C2orf42: variants seen among roughly 807,000 people sequenced by gnomAD.
C2orf42 encodes uncharacterized protein C2orf42.
In C2orf42, 44 loss-of-function variants were observed where a neutral mutation model predicts 58.9. That is an observed-to-expected ratio of 0.75 (90% CI 0.59 to 0.96). The LOEUF (loss-of-function observed/expected upper bound fraction) is 0.96, where lower values mean the gene tolerates loss of function less well. Ranked by LOEUF, C2orf42 falls within the 40% of genes least tolerant of loss-of-function variation. The pLI, the probability that C2orf42 is intolerant of heterozygous loss-of-function variation, is 0.00. For missense variants in C2orf42, 630 were observed against 699.2 expected, an observed-to-expected ratio of 0.90 and a Z score of 1.12; for synonymous variants, 239 against 265.4, an observed-to-expected ratio of 0.90 and a Z score of 0.97.
intron 5 of C2orf42, among the ~76,000 whole-genome samples, chr2:70,169,873 C>T (rs1044954819): frequency 2.0e-5 from 3 of 152,078 alleles, no homozygotes; most frequent in African/African-American, 7.2e-5. Context: ...ATTCTCCTGC[C>T]TCAGCCTCCT....
chr2:70,159,084 C>T (rs1672889521), intron 9 of C2orf42, among the ~76,000 whole-genome samples: 1 of 148,380 alleles, frequency 6.7e-6, no homozygotes, highest in Admixed American at 6.8e-5. Flanking sequence ...GATGGGGTTT[C>T]ACCATGTTAG....
intron 1 of C2orf42, among the ~76,000 whole-genome samples, chr2:70,188,188 T>A (rs1355977951): frequency 2.0e-5 from 3 of 152,014 alleles, no homozygotes; most frequent in Non-Finnish European, 4.4e-5. Context: ...TGCCCCTTTT[T>A]ATTTTATTTA....
At chr2:70,164,778 G>T (rs1223374088) in intron 8 of C2orf42, among the ~76,000 whole-genome samples, 1 of 152,064 alleles carries the variant, frequency 6.6e-6, no homozygotes, top group Non-Finnish European at 1.5e-5. Flanking sequence ...CTAGCTGCCT[G>T]CCAGTCAAAT....
In C2orf42 at chr2:70,149,977, C is replaced by CCAGGCG. The variant is rs1672203841; in HGVS notation, c.*378_*379insCGCCTG. The CCAGGCG allele has an allele frequency of 3.9e-6, 1 of 254,670 alleles. No individual in the cohort carries two copies. Among genetic ancestry groups the CCAGGCG allele is most frequent in the Admixed American group, 5.1e-5 (1 of 19,726 alleles). 15.8% of individuals were successfully genotyped at this position (254,670 alleles called of 1,614,324 possible). On this transcript the variant is annotated 3_prime_UTR_variant, in exon 10 of 10. Transcript: ENST00000264434. ...GATGGTCTTTAACATTCTGCCCTAACCAGGGTGTTAACTTTCCAACACTGT... is the reference window on the plus strand; with the variant it reads ...GATGGTCTTTAACATTCTGCCCTAACCAGGCGCAGGGTGTTAACTTTCCAACACTGT...
intron 5 of C2orf42, among the ~76,000 whole-genome samples, chr2:70,172,933 C>T (rs1297856608): frequency 6.6e-6 from 1 of 152,124 alleles, no homozygotes; most frequent in African/African-American, 2.4e-5. Context: ...GAGGCCAAGG[C>T]AGGCGGATCA....
chr2:70,187,303 T>G (rs1350146044), intron 1 of C2orf42, among the ~76,000 whole-genome samples: 1 of 152,164 alleles, frequency 6.6e-6, no homozygotes, highest in Non-Finnish European at 1.5e-5. Flanking sequence ...CAGGCTGGAG[T>G]GCAATGACGC....
Position 70,183,437 on chromosome 2 carries a change from T to C in C2orf42, c.-281-502A>G, listed in dbSNP as rs549102111. On this transcript the variant is annotated intron_variant, in intron 1 of 9. Transcript: ENST00000264434. Reference sequence around the variant, plus strand: ...GAGCAGGACCCCATCTCTTTTTTTTTTTCTTCTTTGAGATGGAGTCTCACT... The same window carrying C: ...GAGCAGGACCCCATCTCTTTTTTTTCTTCTTCTTTGAGATGGAGTCTCACT... Among the ~76,000 whole-genome samples the C allele has an allele frequency of 8.2e-4, 124 of 151,784 alleles. 2 individuals carry two copies. The highest frequency in any genetic ancestry group is 3.0e-3 in the African/African-American group (123 of 41,406).
chr2:70,155,044 G>A (rs1330137975), intron 9 of C2orf42, among the ~76,000 whole-genome samples: 2 of 152,000 alleles, frequency 1.3e-5, no homozygotes, highest in Non-Finnish European at 2.9e-5. Context: ...AAGAGATCAA[G>A]ACCATCCTGG....
intron 9 of C2orf42, among the ~76,000 whole-genome samples, chr2:70,153,655 TAAAG>T (rs1672454250): frequency 1.7e-5 from 2 of 118,042 alleles, no homozygotes; most frequent in Non-Finnish European, 3.5e-5. Flanking sequence ...CAGTAATAAG[TAAAG>T]AAAAGAACAG....
chr2:70,186,726 G>A (rs568629428), intron 1 of C2orf42, among the ~76,000 whole-genome samples: 1 of 152,180 alleles, frequency 6.6e-6, no homozygotes, highest in East Asian at 1.9e-4. Context: ...ATGATAGACT[G>A]GATTAAGAAA....
At chr2:70,155,877 C>T (rs545190542) in intron 9 of C2orf42, among the ~76,000 whole-genome samples, 14 of 151,832 alleles carry the variant, frequency 9.2e-5, no homozygotes, top group East Asian at 7.8e-4. Context: ...TATCACTGGC[C>T]GAGTGCAGTG....
Position 70,187,759 on chromosome 2 carries a change from C to T in C2orf42, c.-282+3214G>A, listed in dbSNP as rs1340566667. Among the ~76,000 whole-genome samples, 4 of 149,530 alleles carry T rather than the reference C, an allele frequency of 2.7e-5. No individual in the cohort carries two copies. The East Asian group carries it at 6.1e-4, about 23-fold the overall frequency. ...AGGCTGGAGTGCAGTGGCGTGATCTCACCTCACTGCAACCTCCGCCTCCCG... is the reference window on the plus strand; with the variant it reads ...AGGCTGGAGTGCAGTGGCGTGATCTTACCTCACTGCAACCTCCGCCTCCCG... On this transcript the variant is annotated intron_variant, in intron 1 of 9. Transcript: ENST00000264434.
chr2:70,169,667 G>GAA lies in C2orf42; in HGVS notation c.1040-8_1040-7dup. On this transcript the variant is annotated splice_region_variant and splice_polypyrimidine_tract_variant and intron_variant, in intron 5 of 9. Transcript: ENST00000264434. ...ATCTAACAGCTGACCACAGGCTAGG[G>GAA]AAAAAAAAACCACACATACACACTT... is the stretch of plus-strand genomic sequence containing the variant. 8 of 1,439,634 alleles carry GAA rather than the reference G, an allele frequency of 5.6e-6. No homozygotes were observed. Among genetic ancestry groups the GAA allele is most frequent in the Non-Finnish European group, 4.8e-6 (5 of 1,032,496 alleles). 89.2% of individuals were successfully genotyped at this position (1,439,634 alleles called of 1,614,324 possible).
chr2:70,150,190 G>C lies in C2orf42; in HGVS notation c.*166C>G. 1 of 626,114 alleles carries C rather than the reference G, an allele frequency of 1.6e-6. No individual in the cohort carries two copies. The highest frequency in any genetic ancestry group is 2.8e-6 in the Non-Finnish European group (1 of 354,062). The allele number at this position is 626,114 out of a possible 1,614,324, so 38.8% of individuals were successfully genotyped here. ...GCAGCATCAAAAAGGCTATTTACAAGAGATTTTCTTCAACAGAATCCACTT... is the reference window on the plus strand; with the variant it reads ...GCAGCATCAAAAAGGCTATTTACAACAGATTTTCTTCAACAGAATCCACTT... On this transcript the variant is annotated 3_prime_UTR_variant, in exon 10 of 10. Transcript: ENST00000264434.
At chr2:70,174,818 C>T (rs1433418106) in intron 5 of C2orf42, among the ~76,000 whole-genome samples, 1 of 152,046 alleles carries the variant, frequency 6.6e-6, no homozygotes, top group Non-Finnish European at 1.5e-5. Context: ...TTACAGACGT[C>T]TGCCACCACA....
In C2orf42 at chr2:70,165,168, G is replaced by A; in HGVS notation, c.1277C>T (p.Pro426Leu). Residue 426 changes from proline to leucine, a missense_variant, in exon 8 of 10, where the codon CCA (proline) becomes CTA (leucine). By Grantham distance (98) the Pro-to-Leu change is moderately conservative (BLOSUM62 -3). Transcript: ENST00000264434. ...TTAFVRKDAL[P>L]LGTFSKYTWH... ...AGTATACTTGGAAAAGGTTCCCAGT[G>A]GCAAGGCATCTTTCCGAACAAAAGC... 6.2e-7 allele frequency: 1 copy of A among 1,606,984 alleles called. No homozygotes were observed. Among genetic ancestry groups the A allele is most frequent in the South Asian group, 1.1e-5 (1 of 89,732 alleles).
At chr2:70,183,936 G>C (rs1674753761) in intron 1 of C2orf42, among the ~76,000 whole-genome samples, 2 of 151,916 alleles carry the variant, frequency 1.3e-5, no homozygotes, top group South Asian at 2.1e-4. Flanking sequence ...CTCCCAAGTA[G>C]CTGAAACTAT....
chr2:70,181,268 C>T lies in C2orf42; in HGVS notation c.718G>A (p.Glu240Lys), dbSNP rs775103656. ...AAATGAATGCATCTCTGGGCTGTCT[C>T]ATCCTTGGAGGCATTTGACTTGTGC... ...KSHKSNASKDETAQRCIHFFA... is the reference protein window; with the variant it reads ...KSHKSNASKDKTAQRCIHFFA... Residue 240 changes from glutamate (E) to lysine (K), a missense_variant, in exon 3 of 10, where the codon GAG becomes AAG. Physicochemically the swap from Glu to Lys is moderately conservative, Grantham distance 56. Coordinates refer to ENST00000264434, the MANE Select transcript of C2orf42 (RefSeq NM_017880.3). The T allele has an allele frequency of 5.0e-6, 8 of 1,613,248 alleles. No individual in the cohort carries two copies. The highest frequency in any genetic ancestry group is 6.8e-6 in the Non-Finnish European group (8 of 1,179,404).
chr2:70,179,729 T>A (rs1674426928), intron 3 of C2orf42, 87 bp from the exon 4 acceptor site: 2 of 502,398 alleles, frequency 4.0e-6, no homozygotes, highest in Admixed American at 6.1e-5. Flanking sequence ...GTTAATTTCT[T>A]TTTAAAAATC....
Sources: gnomAD v4.1 joint callset for allele counts (sites outside exome capture counted in the v4.1 genomes callset) on GRCh38, gnomAD v4.1.1 for gene constraint, MANE v1.5 for transcripts, NCBI Gene and HGNC (gene_info 2026-07-23, HGNC 2026-07-21) for gene names.